Variants in ZSCAN4 observed in about 807,000 individuals in gnomAD.
The protein encoded by ZSCAN4 is zinc finger and SCAN domain containing 4.
In ZSCAN4, 18 loss-of-function variants were observed where a neutral mutation model predicts 18.3. The observed-to-expected ratio is 0.98, with a 90% CI of 0.68 to 1.46. ZSCAN4 has a LOEUF of 1.46. Ranked by LOEUF, ZSCAN4 falls within the 40% of genes most tolerant of loss-of-function variation. The probability of loss-of-function intolerance (pLI) is 0.00; values close to 1 mark genes in which losing one functional copy is unlikely to be tolerated. For missense variants in ZSCAN4, 498 were observed against 511.4 expected (o/e 0.97, Z 0.25); for synonymous variants, 193 against 180.3 (o/e 1.07, Z -0.57).
chr19:57,652,793 C>T, the ZSCAN4 span, among the ~76,000 whole-genome samples: 2 of 152,208 alleles, frequency 1.3e-5, no homozygotes, highest in African/African-American at 4.8e-5. Context: ...CCTAGCTGAC[C>T]TCTTCCAAAT....
exon 5 of ZSCAN4, chr19:57,678,990 T>A: frequency 1.5e-6 from 2 of 1,375,930 alleles, no homozygotes; most frequent in Non-Finnish European, 1.9e-6. Flanking sequence ...TAAGATATAA[T>A]CTCCTGATTA....
At chr19:57,658,427 C>T in the ZSCAN4 span, among the ~76,000 whole-genome samples, 1 of 152,164 alleles carries the variant, frequency 6.6e-6, no homozygotes, top group African/African-American at 2.4e-5. Flanking sequence ...TATTTGTCAG[C>T]ACTCATCAAA....
chr19:57,659,548 G>T, the ZSCAN4 span, among the ~76,000 whole-genome samples: 1 of 152,092 alleles, frequency 6.6e-6, no homozygotes, highest in Non-Finnish European at 1.5e-5. Context: ...AGTGGGAGCC[G>T]CTGCACCTGG....
the ZSCAN4 span, among the ~76,000 whole-genome samples, chr19:57,658,851 A>G: frequency 0.019 from 2,888 of 151,684 alleles, 48 homozygotes; most frequent in Non-Finnish European, 0.031. Flanking sequence ...AAAAAAAAAA[A>G]AAGAAGTAAT....
upstream of ZSCAN4, among the ~76,000 whole-genome samples, chr19:57,667,522 T>G (rs1484591002): frequency 1.3e-5 from 2 of 152,200 alleles, no homozygotes; most frequent in Non-Finnish European, 2.9e-5. Context: ...TGGAAATGGG[T>G]TAACATACAG....
At chr19:57,656,963 G>A in the ZSCAN4 span, among the ~76,000 whole-genome samples, 2 of 152,152 alleles carry the variant, frequency 1.3e-5, no homozygotes, top group East Asian at 3.8e-4. Flanking sequence ...CTCCAGCCTG[G>A]GCAACAGGGT....
At chr19:57,676,508 C>T (rs765783442) in exon 3 of ZSCAN4, 2 of 1,613,964 alleles carry the variant, frequency 1.2e-6, no homozygotes, top group Admixed American at 3.3e-5. Flanking sequence ...TCATAGAAGA[C>T]CTGACTGATG....
chr19:57,676,373 A>G, exon 3 of ZSCAN4: 3 of 1,614,226 alleles, frequency 1.9e-6, no homozygotes, highest in Non-Finnish European at 2.5e-6. Flanking sequence ...TGCAACCAGA[A>G]AAGCACAGCA....
chr19:57,675,647 A>ATG (rs1984159081), intron 2 of ZSCAN4, among the ~76,000 whole-genome samples: 1 of 152,220 alleles, frequency 6.6e-6, no homozygotes, highest in Non-Finnish European at 1.5e-5. Flanking sequence ...TGGCATTTAA[A>ATG]CATTTTAAAT....
chr19:57,655,582 C>T, the ZSCAN4 span, among the ~76,000 whole-genome samples: 1 of 152,136 alleles, frequency 6.6e-6, no homozygotes, highest in African/African-American at 2.4e-5. Flanking sequence ...ATTACCATTG[C>T]ACCTTCTCAT....
exon 5 of ZSCAN4, chr19:57,678,659 A>G: frequency 3.1e-6 from 5 of 1,614,156 alleles, no homozygotes; most frequent in Non-Finnish European, 4.2e-6. Context: ...TCTTCCAGAT[A>G]TCAGACCTAC....
the ZSCAN4 span, among the ~76,000 whole-genome samples, chr19:57,660,346 A>G: frequency 2.4e-4 from 36 of 152,228 alleles, no homozygotes; most frequent in Non-Finnish European, 4.6e-4. Context: ...TGTTAAGAAC[A>G]GTTAGATGAC....
the ZSCAN4 span, among the ~76,000 whole-genome samples, chr19:57,663,478 G>A: frequency 7.4e-6 from 1 of 135,234 alleles, no homozygotes; most frequent in Non-Finnish European, 1.5e-5. Context: ...TTGAGCCTAG[G>A]AGTTCGAGGC....
At chr19:57,655,572 A>G in the ZSCAN4 span, among the ~76,000 whole-genome samples, 2 of 152,060 alleles carry the variant, frequency 1.3e-5, no homozygotes, top group Non-Finnish European at 1.5e-5. Context: ...CTATCAATAC[A>G]TTACCATTGC....
intron 1 of ZSCAN4, among the ~76,000 whole-genome samples, chr19:57,669,963 C>T (rs1051211807): frequency 3.3e-5 from 5 of 152,082 alleles, no homozygotes; most frequent in Non-Finnish European, 7.4e-5. Context: ...AATGCAGTGG[C>T]GCAATCTTGG....
In ZSCAN4 at chr19:57,676,511, G is replaced by A. The variant is rs754654411; in HGVS notation, c.366G>A (p.Leu122=). The change falls in exon 3 of 5, where the codon CTG becomes CTA. Residue 122 remains leucine (L), a synonymous_variant. Transcript: ENST00000318203. ...ACTTGGAGAGATTCATAGAAGACCT[G>A]ACTGATGACAGCATAAATCCACCTG... 9 of 1,613,944 alleles carry A rather than the reference G, an allele frequency of 5.6e-6. No homozygotes were observed. In the South Asian group the frequency reaches 6.6e-5, roughly 12 times the overall value.
upstream of ZSCAN4, among the ~76,000 whole-genome samples, chr19:57,666,592 A>C (rs1395309053): frequency 6.7e-6 from 1 of 148,968 alleles, no homozygotes; most frequent in African/African-American, 2.5e-5. Context: ...AAAAAAAAAG[A>C]AAAGAAAGTC....
chr19:57,658,658 AC>A, the ZSCAN4 span, among the ~76,000 whole-genome samples: 1 of 151,998 alleles, frequency 6.6e-6, no homozygotes, highest in Non-Finnish European at 1.5e-5. Context: ...ACATGGCGAA[AC>A]CCCGTCCCTA....
At chr19:57,664,562 G>T, upstream of ZSCAN4, 1 of 154,028 alleles carries the variant, frequency 6.5e-6, no homozygotes, top group East Asian at 1.8e-4. Flanking sequence ...AGCAGCGGCG[G>T]GAGCTAGTCA....
Sources: allele counts gnomAD v4.1 joint callset (sites outside exome capture counted in the v4.1 genomes callset), GRCh38; gene constraint gnomAD v4.1.1; transcripts MANE v1.5; gene names NCBI Gene and HGNC (gene_info 2026-07-23, HGNC 2026-07-21).